OPCML: variants seen among roughly 807,000 people sequenced by gnomAD.
The protein encoded by OPCML is opioid binding protein/cell adhesion molecule like.
A neutral mutation model predicts 37.8 loss-of-function variants in OPCML; 13 were observed. That is an observed-to-expected ratio of 0.34 (90% CI 0.22 to 0.55). The LOEUF (loss-of-function observed/expected upper bound fraction) is 0.55. Ranked by LOEUF, OPCML falls within the 20% of genes least tolerant of loss-of-function variation. The pLI, the probability that OPCML is intolerant of heterozygous loss-of-function variation, is 0.91. For synonymous variants in OPCML, 176 were observed against 168.8 expected (o/e 1.04, Z -0.33); for missense variants, 341 against 435.6 (o/e 0.78, Z 1.93).
intron 3 of OPCML, among the ~76,000 whole-genome samples, chr11:132,599,351 A>C (rs1022258135): frequency 7.2e-6 from 1 of 139,176 alleles, no homozygotes; most frequent in African/African-American, 2.8e-5. Context: ...GAGGAGGAAG[A>C]AGGAGGAGAA....
intron 2 of OPCML, among the ~76,000 whole-genome samples, chr11:132,885,213 G>A (rs935222335): frequency 6.6e-6 from 1 of 152,186 alleles, no homozygotes; most frequent in South Asian, 2.1e-4. Context: ...GATGCCACTT[G>A]CTAGCAATGT....
chr11:132,496,243 A>G (rs1051517924), intron 4 of OPCML, among the ~76,000 whole-genome samples: 1 of 152,214 alleles, frequency 6.6e-6, no homozygotes, highest in Non-Finnish European at 1.5e-5. Context: ...ATGGATGTGA[A>G]AGTGGTCTCA....
rs1356178413 is a variant in OPCML at position 132,656,599 on chromosome 11, C to T, written c.379+488G>A. 5.3e-5 allele frequency among the ~76,000 whole-genome samples: 8 copies of T among 152,136 alleles called. No homozygotes were observed. In the East Asian group the frequency reaches 1.5e-3, roughly 29 times the overall value. On this transcript the variant is annotated intron_variant, in intron 3 of 7. Coordinates refer to ENST00000524381, the MANE Select transcript of OPCML (RefSeq NM_001012393.5). ...ATGAGAGAGTGTTTAAAGACAGCAG[C>T]AATGCCAGGGAGGACCTGCCTAAAC...
At chr11:132,878,684 G>A (rs1383353229) in intron 2 of OPCML, among the ~76,000 whole-genome samples, 1 of 152,088 alleles carries the variant, frequency 6.6e-6, no homozygotes, top group Non-Finnish European at 1.5e-5. Flanking sequence ...AACAGAGCCA[G>A]TAGATCTCTA....
At chr11:133,331,989 T>C (rs879019567) in intron 1 of OPCML, among the ~76,000 whole-genome samples, 2 of 152,208 alleles carry the variant, frequency 1.3e-5, no homozygotes, top group African/African-American at 4.8e-5. Context: ...CGTAGTTTGA[T>C]AGGAGTAGCA....
intron 4 of OPCML, among the ~76,000 whole-genome samples, chr11:132,463,780 T>C (rs1215534277): frequency 6.6e-6 from 1 of 152,190 alleles, no homozygotes; most frequent in Non-Finnish European, 1.5e-5. Flanking sequence ...ATACATATTA[T>C]TGGGCCCCTC....
intron 2 of OPCML, among the ~76,000 whole-genome samples, chr11:132,834,310 A>G (rs1940885346): frequency 2.0e-5 from 3 of 152,186 alleles, no homozygotes; most frequent in Non-Finnish European, 2.9e-5. Flanking sequence ...AATATTATTG[A>G]AAACAGACTT....
chr11:132,685,382 C>T (rs1591724385), intron 2 of OPCML, among the ~76,000 whole-genome samples: 1 of 152,188 alleles, frequency 6.6e-6, no homozygotes, highest in East Asian at 1.9e-4. Context: ...TTAATCAGAA[C>T]ACTTCTTTAT....
intron 2 of OPCML, among the ~76,000 whole-genome samples, chr11:132,718,608 G>A (rs1944573039): frequency 6.6e-6 from 1 of 152,158 alleles, no homozygotes. Flanking sequence ...TGGCTGACGT[G>A]TCCATACGTG....
intron 1 of OPCML, among the ~76,000 whole-genome samples, chr11:133,440,128 C>T (rs544587972): frequency 1.8e-4 from 28 of 152,176 alleles, no homozygotes; most frequent in African/African-American, 6.5e-4. Flanking sequence ...GGCATAGTGG[C>T]TCACACCTGT....
At chr11:133,166,235 T>A (rs1950206618) in intron 1 of OPCML, among the ~76,000 whole-genome samples, 1 of 152,224 alleles carries the variant, frequency 6.6e-6, no homozygotes, top group African/African-American at 2.4e-5. Context: ...TCTAAATAAA[T>A]TCTTAATAGT....
intron 1 of OPCML, among the ~76,000 whole-genome samples, chr11:133,470,872 A>G (rs1232851127): frequency 6.6e-6 from 1 of 152,154 alleles, no homozygotes; most frequent in African/African-American, 2.4e-5. Context: ...GGCTAGAGAG[A>G]TCATTCAGGG....
At chr11:132,640,705 C>T (rs984755673) in intron 3 of OPCML, among the ~76,000 whole-genome samples, 17 of 152,106 alleles carry the variant, frequency 1.1e-4, no homozygotes, top group Admixed American at 2.0e-4. Context: ...TAATGTGTAA[C>T]GCAGTAGTTA....
At chr11:133,166,415 A>G (rs1338289945) in intron 1 of OPCML, among the ~76,000 whole-genome samples, 1 of 152,238 alleles carries the variant, frequency 6.6e-6, no homozygotes, top group Non-Finnish European at 1.5e-5. Context: ...GCTCAAGGCC[A>G]TACAGCTCCT....
chr11:133,364,699 T>C (rs967666576), intron 1 of OPCML, among the ~76,000 whole-genome samples: 3 of 152,190 alleles, frequency 2.0e-5, no homozygotes, highest in African/African-American at 7.2e-5. Context: ...GAATGTGAGC[T>C]CCAGCCCTTC....
At chr11:132,740,572 A>G (rs1053931320) in intron 2 of OPCML, among the ~76,000 whole-genome samples, 4 of 152,152 alleles carry the variant, frequency 2.6e-5, no homozygotes, top group Admixed American at 6.5e-5. Flanking sequence ...ATAATTTATT[A>G]TATTTATGTA....
At chr11:132,570,820 G>GAGAGA (rs1245612388) in intron 3 of OPCML, among the ~76,000 whole-genome samples, 41 of 123,672 alleles carry the variant, frequency 3.3e-4, no homozygotes, top group South Asian at 5.4e-4. Flanking sequence ...GAGAGAGAGA[G>GAGAGA]GATATATACT....
At chr11:133,359,127 T>C (rs1257731194) in intron 1 of OPCML, among the ~76,000 whole-genome samples, 2 of 152,200 alleles carry the variant, frequency 1.3e-5, no homozygotes, top group African/African-American at 2.4e-5. Flanking sequence ...CTTCCTCCTA[T>C]ATTAAAGTGT....
chr11:133,377,050 T>C lies in OPCML; in HGVS notation c.61+155214A>G, dbSNP rs557608992. ...AGGGGGAAAGAGCGGGACTATGTAGTGTAGTGTTTCGACGTCCAGCAGTAA... is the reference window on the plus strand; with the variant it reads ...AGGGGGAAAGAGCGGGACTATGTAGCGTAGTGTTTCGACGTCCAGCAGTAA... On this transcript the variant is annotated intron_variant, in intron 1 of 7. Transcript: ENST00000524381. 1.4e-4 allele frequency among the ~76,000 whole-genome samples: 22 copies of C among 151,910 alleles called. No homozygotes were observed. In the South Asian group the frequency reaches 4.4e-3, roughly 30 times the overall value.
Sources: allele counts gnomAD v4.1 joint callset (sites outside exome capture counted in the v4.1 genomes callset), GRCh38; gene constraint gnomAD v4.1.1; transcripts MANE v1.5; gene names NCBI Gene and HGNC (gene_info 2026-07-23, HGNC 2026-07-21).